ABTB3: variants seen among roughly 807,000 people sequenced by gnomAD.
The protein encoded by ABTB3 is ankyrin repeat and BTB domain containing 3.
the ABTB3 span, chr12:107,520,690 G>T: frequency 1.3e-5 from 20 of 1,598,330 alleles, no homozygotes; most frequent in African/African-American, 4.0e-5. Context: ...TCCTGTCTGT[G>T]CCCGAAGTGA....
At chr12:107,430,685 C>T in the ABTB3 span, among the ~76,000 whole-genome samples, 2 of 152,280 alleles carry the variant, frequency 1.3e-5, no homozygotes, top group Middle Eastern at 6.8e-3. Context: ...TTGTGCCTGA[C>T]TTTAGTGGAA....
At chr12:107,323,191 G>T in the ABTB3 span, among the ~76,000 whole-genome samples, 1 of 152,110 alleles carries the variant, frequency 6.6e-6, no homozygotes, top group Non-Finnish European at 1.5e-5. Context: ...TGTTGCCCAG[G>T]CTGGCCTTGA....
the ABTB3 span, among the ~76,000 whole-genome samples, chr12:107,422,167 C>T: frequency 2.0e-5 from 3 of 151,974 alleles, no homozygotes; most frequent in Non-Finnish European, 4.4e-5. Flanking sequence ...CAGGAAGATA[C>T]TGGGGGAGAG....
the ABTB3 span, among the ~76,000 whole-genome samples, chr12:107,495,198 A>C: frequency 6.6e-6 from 1 of 152,186 alleles, no homozygotes; most frequent in African/African-American, 2.4e-5. Flanking sequence ...CATGACTTGC[A>C]GCTGGAGTCG....
chr12:107,388,164 G>A, the ABTB3 span, among the ~76,000 whole-genome samples: 1 of 152,024 alleles, frequency 6.6e-6, no homozygotes, highest in Non-Finnish European at 1.5e-5. Flanking sequence ...TAGAGACGAT[G>A]TTTCACCATG....
chr12:107,549,401 T>C, the ABTB3 span, among the ~76,000 whole-genome samples: 1 of 152,226 alleles, frequency 6.6e-6, no homozygotes, highest in Non-Finnish European at 1.5e-5. Context: ...CTTACTCCTA[T>C]GGACATACCT....
At chr12:107,363,178 G>A in the ABTB3 span, among the ~76,000 whole-genome samples, 1 of 152,252 alleles carries the variant, frequency 6.6e-6, no homozygotes, top group Non-Finnish European at 1.5e-5. Context: ...CAGGCCTTCT[G>A]CCCAGCCTTG....
At chr12:107,540,795 G>A in the ABTB3 span, among the ~76,000 whole-genome samples, 1 of 151,860 alleles carries the variant, frequency 6.6e-6, no homozygotes, top group Non-Finnish European at 1.5e-5. Flanking sequence ...ACCAGGCTGG[G>A]TATGAAAGCA....
At chr12:107,641,791 C>T in the ABTB3 span, among the ~76,000 whole-genome samples, 40 of 152,188 alleles carry the variant, frequency 2.6e-4, no homozygotes, top group Non-Finnish European at 4.8e-4. Flanking sequence ...GTGGCGGCCA[C>T]GTGACAGGCC....
At chr12:107,605,942 T>A in the ABTB3 span, among the ~76,000 whole-genome samples, 1 of 152,286 alleles carries the variant, frequency 6.6e-6, no homozygotes, top group South Asian at 2.1e-4. Context: ...TGCTGTTTAC[T>A]GAGATGGGAT....
the ABTB3 span, among the ~76,000 whole-genome samples, chr12:107,417,972 T>C: frequency 1.3e-5 from 2 of 152,228 alleles, no homozygotes; most frequent in African/African-American, 4.8e-5. Flanking sequence ...TTCCAAGATA[T>C]CTTTCTGGCA....
chr12:107,639,452 T>A, the ABTB3 span, among the ~76,000 whole-genome samples: 3 of 152,088 alleles, frequency 2.0e-5, no homozygotes, highest in East Asian at 5.8e-4. Context: ...CAACAGAGGC[T>A]CCTGTGAGTT....
At chr12:107,550,641 C>T in the ABTB3 span, among the ~76,000 whole-genome samples, 2 of 146,690 alleles carry the variant, frequency 1.4e-5, no homozygotes, top group Non-Finnish European at 3.0e-5. Context: ...AGTGCAGTGG[C>T]GTGATTTCGG....
chr12:107,326,390 A>G, the ABTB3 span, among the ~76,000 whole-genome samples: 1 of 152,192 alleles, frequency 6.6e-6, no homozygotes, highest in Non-Finnish European at 1.5e-5. Context: ...GGCCTTCAGT[A>G]CCTTTCTTGG....
At chr12:107,346,118 C>T in the ABTB3 span, among the ~76,000 whole-genome samples, 4 of 152,192 alleles carry the variant, frequency 2.6e-5, no homozygotes, top group African/African-American at 2.4e-5. Context: ...TGCTCATTCC[C>T]ATCCAGCTGC....
the ABTB3 span, among the ~76,000 whole-genome samples, chr12:107,560,002 T>C: frequency 1.3e-5 from 2 of 152,206 alleles, no homozygotes; most frequent in African/African-American, 4.8e-5. Context: ...TATCTTTTTT[T>C]AATATAAATA....
At chr12:107,412,524 G>A in the ABTB3 span, among the ~76,000 whole-genome samples, 3 of 152,116 alleles carry the variant, frequency 2.0e-5, no homozygotes. Flanking sequence ...TGGAGCGTGG[G>A]CCTTAAGAGA....
the ABTB3 span, among the ~76,000 whole-genome samples, chr12:107,328,459 A>G: frequency 6.6e-6 from 1 of 152,238 alleles, no homozygotes; most frequent in African/African-American, 2.4e-5. Flanking sequence ...GAATGGATGC[A>G]AAGATAAAAT....
At chr12:107,396,432 T>G in the ABTB3 span, among the ~76,000 whole-genome samples, 1 of 152,192 alleles carries the variant, frequency 6.6e-6, no homozygotes, top group Non-Finnish European at 1.5e-5. Context: ...TGGAGACACT[T>G]CTTGGAGTTG....
Sources: gnomAD v4.1 joint callset for allele counts (sites outside exome capture counted in the v4.1 genomes callset) on GRCh38, gnomAD v4.1.1 for gene constraint, MANE v1.5 for transcripts, NCBI Gene and HGNC (gene_info 2026-07-23, HGNC 2026-07-21) for gene names.